SHISAL1: variants seen among roughly 807,000 people sequenced by gnomAD.
SHISAL1 encodes shisa like 1, also known as protein shisa-like-1.
A neutral mutation model predicts 22.6 loss-of-function variants in SHISAL1; 9 were observed. The observed-to-expected ratio is 0.40, with a 90% confidence interval of 0.24 to 0.70. SHISAL1 has a LOEUF of 0.70. Ranked by LOEUF, SHISAL1 falls within the 30% of genes least tolerant of loss-of-function variation. The pLI is 0.39. For missense variants in SHISAL1, 246 were observed against 270.6 expected, an observed-to-expected ratio of 0.91 and a Z score of 0.64; for synonymous variants, 119 against 115.4, an observed-to-expected ratio of 1.03 and a Z score of -0.20.
intron 4 of SHISAL1, among the ~76,000 whole-genome samples, chr22:44,283,042 C>T (rs925920160): frequency 1.3e-5 from 2 of 152,190 alleles, no homozygotes; most frequent in African/African-American, 4.8e-5. Flanking sequence ...CAAATGAAAT[C>T]CCCTCTCACG....
upstream of SHISAL1, among the ~76,000 whole-genome samples, chr22:44,315,214 C>T: frequency 6.6e-6 from 1 of 152,080 alleles, no homozygotes; most frequent in Admixed American, 6.5e-5. Context: ...ACTCCATGGC[C>T]TGGAGTCTGG....
At chr22:44,302,000 C>T (rs369175423) in intron 1 of SHISAL1, among the ~76,000 whole-genome samples, 100 of 152,042 alleles carry the variant, frequency 6.6e-4, no homozygotes, top group African/African-American at 2.1e-3. Flanking sequence ...TGGGGAGGGT[C>T]GCACAACACT....
At chr22:44,264,546 G>T (rs1012732563) in intron 4 of SHISAL1, among the ~76,000 whole-genome samples, 2 of 152,162 alleles carry the variant, frequency 1.3e-5, no homozygotes, top group African/African-American at 2.4e-5. Context: ...CACAGGTGGG[G>T]TGTCCTGACG....
chr22:44,285,296 GGCAAACAACAAGATAA>G (rs2055305046), intron 4 of SHISAL1, 116 bp downstream of exon 4: 1 of 1,004,274 alleles, frequency 1.0e-6, no homozygotes, highest in South Asian at 1.6e-5. Flanking sequence ...AATTTTTCTT[GGCAAACAACAAGATAA>G]GCAAACAATC....
chr22:44,281,852 T>C (rs73430787), intron 4 of SHISAL1, among the ~76,000 whole-genome samples: 2,625 of 152,284 alleles, frequency 0.017, 73 homozygotes, highest in African/African-American at 0.06. Context: ...ATTGTGACCA[T>C]TGCACCACTC....
At chr22:44,298,704 T>A (rs537999941) in intron 2 of SHISAL1, among the ~76,000 whole-genome samples, 1 of 152,100 alleles carries the variant, frequency 6.6e-6, no homozygotes, top group African/African-American at 2.4e-5. Context: ...TAGGGCAGCA[T>A]GGGGAGGCAG....
the SHISAL1 span, among the ~76,000 whole-genome samples, chr22:44,330,535 T>C: frequency 6.6e-6 from 1 of 152,096 alleles, no homozygotes; most frequent in African/African-American, 2.4e-5. Context: ...GGGGTGAGGC[T>C]GGGGCAGCTA....
the SHISAL1 span, among the ~76,000 whole-genome samples, chr22:44,327,287 C>T: frequency 1.3e-5 from 2 of 151,402 alleles, no homozygotes; most frequent in African/African-American, 2.4e-5. Context: ...CACACGTGCG[C>T]GTACACCAGA....
chr22:44,258,398 C>T (rs2055099192), intron 4 of SHISAL1, among the ~76,000 whole-genome samples: 1 of 152,180 alleles, frequency 6.6e-6, no homozygotes, highest in Non-Finnish European at 1.5e-5. Context: ...GTTTGTTGTA[C>T]AGGTTATTTC....
At position 44,285,598 on chromosome 22, in the gene SHISAL1, T is replaced by C. The variant is rs1413440880; in HGVS notation, c.429A>G (p.Lys143=). 8 of 1,614,018 alleles carry C rather than the reference T, an allele frequency of 5.0e-6. No individual in the cohort carries two copies. The highest frequency in any genetic ancestry group is 2.2e-5 in the East Asian group (1 of 44,870). Reference sequence around the variant, plus strand: ...GGTTCCCCCACCGCCGGGGGTCCTGTTTCATCCATCGTCCTTGGATGCCCC... The same window carrying C: ...GGTTCCCCCACCGCCGGGGGTCCTGCTTCATCCATCGTCCTTGGATGCCCC... ...ARWGIQGRWM[K]QDPRRWGNPA... The change falls in exon 4 of 5, where the codon AAA becomes AAG. Residue 143 remains lysine (K), a synonymous_variant. Coordinates refer to ENST00000381176, the MANE Select transcript of SHISAL1 (RefSeq NM_001099294.2).
chr22:44,278,752 G>A (rs1470541820), intron 4 of SHISAL1, among the ~76,000 whole-genome samples: 5 of 152,166 alleles, frequency 3.3e-5, no homozygotes, highest in East Asian at 1.9e-4. Context: ...TCCGTGGGTC[G>A]TGGTGATGTG....
chr22:44,303,272 A>G (rs534242446), intron 1 of SHISAL1, among the ~76,000 whole-genome samples: 17 of 152,120 alleles, frequency 1.1e-4, no homozygotes, highest in Admixed American at 3.9e-4. Context: ...GTTCCCCCCA[A>G]ATTCACATGT....
chr22:44,285,436 CG>C lies in SHISAL1; in HGVS notation c.590del (p.Ser197CysfsTer18), dbSNP rs766558995. On this transcript the variant is annotated frameshift_variant, in exon 4 of 5. Transcript: ENST00000381176. LOFTEE classifies it high-confidence loss of function. ...HSPPLMTFQS[S>X]SA ...CAATTGTAGCCACTCACCAGGCAGA[CG>C]AACTCTGGAAGGTCATCAGCGGTGG... 2.4e-5 allele frequency: 38 copies of C among 1,613,930 alleles called. No individual in the cohort carries two copies. Among genetic ancestry groups the C allele is most frequent in the Non-Finnish European group, 2.8e-5 (33 of 1,179,930 alleles).
the SHISAL1 span, among the ~76,000 whole-genome samples, chr22:44,322,977 C>T: frequency 1.5e-4 from 22 of 150,896 alleles, 1 homozygote; most frequent in East Asian, 3.4e-3. Context: ...ACCAACCTCA[C>T]CCACCCATTC....
upstream of SHISAL1, among the ~76,000 whole-genome samples, chr22:44,313,737 C>T (rs1018670477): frequency 6.6e-6 from 1 of 152,220 alleles, no homozygotes; most frequent in African/African-American, 2.4e-5. Context: ...ACCTTGGCGG[C>T]GCCCTTGGCT....
chr22:44,297,416 G>A (rs970053610), intron 2 of SHISAL1, among the ~76,000 whole-genome samples: 4 of 152,246 alleles, frequency 2.6e-5, no homozygotes, highest in Non-Finnish European at 5.9e-5. Flanking sequence ...TGGACCTGCT[G>A]CTCAGCCCAG....
At chr22:44,271,202 G>A (rs2055203647) in intron 4 of SHISAL1, among the ~76,000 whole-genome samples, 1 of 152,090 alleles carries the variant, frequency 6.6e-6, no homozygotes, top group South Asian at 2.1e-4. Flanking sequence ...CTTGCCCAAG[G>A]ACACACAGCT....
At chr22:44,274,749 G>A (rs1208900431) in intron 4 of SHISAL1, among the ~76,000 whole-genome samples, 2 of 152,110 alleles carry the variant, frequency 1.3e-5, no homozygotes, top group Admixed American at 6.6e-5. Context: ...GCATTAGAAG[G>A]GAGAAAAACG....
At chr22:44,328,901 G>A in the SHISAL1 span, among the ~76,000 whole-genome samples, 6 of 152,142 alleles carry the variant, frequency 3.9e-5, no homozygotes, top group Admixed American at 6.5e-5. Context: ...CGCAGGTCCA[G>A]AAGGCTTCAG....
Sources: gnomAD v4.1 joint callset for allele counts (sites outside exome capture counted in the v4.1 genomes callset) on GRCh38, gnomAD v4.1.1 for gene constraint, MANE v1.5 for transcripts, NCBI Gene and HGNC (gene_info 2026-07-23, HGNC 2026-07-21) for gene names.